The following LOXL2 variants were observed in gnomAD, a reference collection of about 807,000 sequenced individuals.
LOXL2 encodes lysyl oxidase homolog 2.
LOXL2 carries 70 observed loss-of-function variants against 93.0 expected under a neutral mutation model. The observed-to-expected ratio is 0.75, with a 90% CI of 0.62 to 0.92. The LOEUF (loss-of-function observed/expected upper bound fraction) is 0.92. Among genes scored for constraint, LOXL2 ranks in the 40% least tolerant of loss-of-function variants. The pLI is 0.00. For synonymous variants in LOXL2, 438 were observed against 413.2 expected (o/e 1.06, Z -0.73); for missense variants, 973 against 1,054.9 (o/e 0.92, Z 1.08).
chr8:23,354,903 C>T (rs983739936), intron 3 of LOXL2, among the ~76,000 whole-genome samples: 3 of 148,258 alleles, frequency 2.0e-5, no homozygotes, highest in African/African-American at 5.0e-5. Flanking sequence ...TTCCATCACG[C>T]TCCTCTCCGC....
At chr8:23,344,361 T>G (rs368344458) in intron 3 of LOXL2, among the ~76,000 whole-genome samples, 141 of 152,214 alleles carry the variant, frequency 9.3e-4, no homozygotes, top group African/African-American at 2.7e-3. Context: ...TGTATGTGCA[T>G]GGTGGTGTGT....
chr8:23,348,800 C>A (rs1457800882), intron 3 of LOXL2, among the ~76,000 whole-genome samples: 2 of 152,032 alleles, frequency 1.3e-5, no homozygotes, highest in East Asian at 3.9e-4. Flanking sequence ...TGGCATGAAC[C>A]CGGGAGGCGG....
chr8:23,316,138 G>A (rs1037592951), intron 9 of LOXL2, among the ~76,000 whole-genome samples: 3 of 152,206 alleles, frequency 2.0e-5, no homozygotes, highest in South Asian at 2.1e-4. Context: ...TCAATCCCGC[G>A]TTCTCCGTGA....
chr8:23,310,009 C>A (rs1803297782), intron 9 of LOXL2, 98 bp from the exon 10 acceptor site: 2 of 1,307,924 alleles, frequency 1.5e-6, no homozygotes, highest in Admixed American at 3.1e-5. Context: ...CTCCTGCCTA[C>A]CGCCACCTTC....
chr8:23,314,121 A>G (rs1585345617), intron 9 of LOXL2, among the ~76,000 whole-genome samples: 2 of 152,278 alleles, frequency 1.3e-5, no homozygotes, highest in South Asian at 4.2e-4. Context: ...TAGAATGGCA[A>G]TCATTCAAAA....
chr8:23,375,042 C>T (rs146705836), intron 1 of LOXL2, among the ~76,000 whole-genome samples: 13,430 of 152,014 alleles, frequency 0.088, 850 homozygotes, highest in African/African-American at 0.18. Context: ...CTGAATGGTA[C>T]TGCCTAGGTT....
chr8:23,316,343 G>A (rs747573541), intron 9 of LOXL2, among the ~76,000 whole-genome samples: 4 of 152,286 alleles, frequency 2.6e-5, no homozygotes, highest in East Asian at 1.9e-4. Flanking sequence ...AGATGGCTGC[G>A]TGTGGGTTTA....
chr8:23,341,048 C>G lies in LOXL2; in HGVS notation c.687G>C (p.Val229=). 6.2e-7 allele frequency: 1 copy of G among 1,614,182 alleles called. No homozygotes were observed. Residue 229 remains valine (V), a synonymous_variant, in exon 4 of 14, where the codon GTG becomes GTC. Transcript: ENST00000389131. Reference sequence around the variant, plus strand: ...CAGGGAAGCCAAACATGCCGCAGACCACGCGGGAATTCTTGGCCGTCCAGT... The same window carrying G: ...CAGGGAAGCCAAACATGCCGCAGACGACGCGGGAATTCTTGGCCGTCCAGT... ...DKHWTAKNSR[V]VCGMFGFPGE...
At chr8:23,371,594 T>C (rs1804495584) in intron 1 of LOXL2, among the ~76,000 whole-genome samples, 4 of 150,786 alleles carry the variant, frequency 2.7e-5, no homozygotes, top group Admixed American at 2.6e-4. Flanking sequence ...CTACTAAAAA[T>C]ACAAAAAATT....
intron 4 of LOXL2, among the ~76,000 whole-genome samples, 161 bp downstream of exon 4, chr8:23,340,831 C>T (rs1464318114): frequency 6.6e-6 from 1 of 152,136 alleles, no homozygotes; most frequent in Non-Finnish European, 1.5e-5. Context: ...TTGAACTTGG[C>T]GCCTGGCCCG....
intron 3 of LOXL2, among the ~76,000 whole-genome samples, chr8:23,355,734 C>G (rs1428683412): frequency 1.3e-5 from 2 of 151,476 alleles, no homozygotes; most frequent in Non-Finnish European, 2.9e-5. Flanking sequence ...CTCAGCCTCC[C>G]AGGTAGCTGG....
chr8:23,309,698 C>T lies in LOXL2; in HGVS notation c.1850G>A (p.Arg617His), dbSNP rs371040157. 9.7e-6 allele frequency: 15 copies of T among 1,542,242 alleles called. No homozygotes were observed. The highest frequency in any genetic ancestry group is 4.9e-5 in the East Asian group (2 of 40,666). Residue 617 changes from arginine (R) to histidine (H), a missense_variant, in exon 10 of 14, where the codon CGC (arginine) becomes CAC (histidine). Physicochemically the swap from Arg to His is conservative, Grantham distance 29. Coordinates refer to ENST00000389131, the MANE Select transcript of LOXL2 (RefSeq NM_002318.3). ...ACAGTCGTGCCAGATCCACGCGTGG[C>T]GGCCGTTCTTGGGCCGGAAGTCGGA... The part of the protein sequence containing the change: ...GQSDFRPKNG[R>H]HAWIWHDCHR...
intron 5 of LOXL2, among the ~76,000 whole-genome samples, chr8:23,329,579 G>A (rs1386576290): frequency 6.6e-6 from 1 of 151,972 alleles, no homozygotes; most frequent in East Asian, 2.0e-4. Flanking sequence ...CATGCTGCAT[G>A]TATGCGTGTG....
chr8:23,305,865 G>A (rs1262553105), intron 10 of LOXL2, among the ~76,000 whole-genome samples: 1 of 151,940 alleles, frequency 6.6e-6, no homozygotes, highest in African/African-American at 2.4e-5. Context: ...AGGCTGGAGT[G>A]CAGTGGTATG....
Position 23,297,806 on chromosome 8 carries a change from T to C in LOXL2, c.*237A>G. ...TCTTGGTGCTGCTCCAGCAGCTCTG[T>C]GGACAAACCCCACCCCCGCAAGGCC... On this transcript the variant is annotated 3_prime_UTR_variant, in exon 14 of 14. Transcript: ENST00000389131. 1 of 489,560 alleles carries C rather than the reference T, an allele frequency of 2.0e-6. No homozygotes were observed. The highest frequency in any genetic ancestry group is 3.7e-6 in the Non-Finnish European group (1 of 272,620). 30.3% of individuals were successfully genotyped at this position (489,560 alleles called of 1,614,324 possible).
chr8:23,306,250 A>G (rs184434289), intron 10 of LOXL2, among the ~76,000 whole-genome samples: 28 of 152,326 alleles, frequency 1.8e-4, no homozygotes, highest in Non-Finnish European at 2.2e-4. Flanking sequence ...GGTGGCCCCA[A>G]TGAAACTCCC....
In LOXL2 at chr8:23,297,936, C is replaced by T. The variant is rs993336360; in HGVS notation, c.*107G>A. 1.5e-5 allele frequency: 13 copies of T among 880,416 alleles called. No homozygotes were observed. The highest frequency in any genetic ancestry group is 4.6e-5 in the South Asian group (3 of 65,660). 54.5% of individuals were successfully genotyped at this position (880,416 alleles called of 1,614,324 possible). ...GTAGGGGTCTGGACAGGGTGGGGGCCGGGCTGGGTGAGGGCACGTGGCATT... is the reference window on the plus strand; with the variant it reads ...GTAGGGGTCTGGACAGGGTGGGGGCTGGGCTGGGTGAGGGCACGTGGCATT... On this transcript the variant is annotated 3_prime_UTR_variant, in exon 14 of 14. Coordinates refer to ENST00000389131, the MANE Select transcript of LOXL2 (RefSeq NM_002318.3).
chr8:23,297,956 G>GGC lies in LOXL2; in HGVS notation c.*85_*86dup, dbSNP rs1311250344. The GGC allele has an allele frequency of 8.8e-7, 1 of 1,130,182 alleles. No homozygotes were observed. The highest frequency in any genetic ancestry group is 1.3e-6 in the Non-Finnish European group (1 of 758,102). 70.0% of individuals were successfully genotyped at this position (1,130,182 alleles called of 1,614,324 possible). On this transcript the variant is annotated 3_prime_UTR_variant, in exon 14 of 14. Transcript: ENST00000389131. ...GGGGCCGGGCTGGGTGAGGGCACGT[G>GGC]GCATTCGTTCAGACTCAGTTGTTGG...
At chr8:23,299,300 CAG>C (rs1302131919) in intron 12 of LOXL2, among the ~76,000 whole-genome samples, 2 of 152,100 alleles carry the variant, frequency 1.3e-5, no homozygotes, top group Admixed American at 6.5e-5. Context: ...TGAAGAGAAG[CAG>C]AAGGGTGCAG....
Sources: gnomAD v4.1 joint callset for allele counts (sites outside exome capture counted in the v4.1 genomes callset) on GRCh38, gnomAD v4.1.1 for gene constraint, MANE v1.5 for transcripts, NCBI Gene and HGNC (gene_info 2026-07-23, HGNC 2026-07-21) for gene names.